The following ADAMDEC1 variants were observed in gnomAD, a reference collection of about 807,000 sequenced individuals.
ADAMDEC1 encodes ADAM DEC1.
ADAMDEC1 carries 62 observed loss-of-function variants against 60.4 expected under a neutral mutation model. The observed-to-expected ratio is 1.03, with a 90% confidence interval of 0.84 to 1.27. The LOEUF (loss-of-function observed/expected upper bound fraction) is 1.27, where lower values mean the gene tolerates loss of function less well. Among genes scored for constraint, ADAMDEC1 ranks in the 50% most tolerant of loss-of-function variants. The pLI is 0.00. For missense variants in ADAMDEC1, 595 were observed against 565.0 expected (o/e 1.05, Z -0.54); for synonymous variants, 210 against 195.1 (o/e 1.08, Z -0.64).
chr8:24,397,136 G>A, intron 5 of ADAMDEC1, 134 bp from the exon 6 acceptor site: 2 of 681,910 alleles, frequency 2.9e-6, no homozygotes, highest in Non-Finnish European at 4.6e-6. Flanking sequence ...ATTACCAGAA[G>A]TTAGCTGAAA....
intron 1 of ADAMDEC1, chr8:24,387,694 C>T (rs1392201474): frequency 2.0e-5 from 3 of 152,210 alleles, no homozygotes; most frequent in Non-Finnish European, 2.9e-5. Context: ...CATGACAAAA[C>T]CCTAGCTTGA....
chr8:24,385,875 G>A (rs1377457591), intron 1 of ADAMDEC1, among the ~76,000 whole-genome samples: 1 of 152,042 alleles, frequency 6.6e-6, no homozygotes, highest in Non-Finnish European at 1.5e-5. Context: ...TGCCTGTGCT[G>A]TCGGATGAGA....
intron 5 of ADAMDEC1, 141 bp downstream of exon 5, chr8:24,395,937 C>T: frequency 1.6e-6 from 1 of 639,678 alleles, no homozygotes; most frequent in African/African-American, 1.8e-5. Flanking sequence ...AAGTGAAGAA[C>T]AAAGTATTAC....
At chr8:24,405,101 G>C (rs1009618917) in intron 13 of ADAMDEC1, among the ~76,000 whole-genome samples, 191 bp from the exon 14 acceptor site, 3 of 152,170 alleles carry the variant, frequency 2.0e-5, no homozygotes, top group African/African-American at 7.2e-5. Flanking sequence ...TCAGAAACTA[G>C]CTGTGGGACT....
In ADAMDEC1 at chr8:24,384,487, T is replaced by C; in HGVS notation, c.-18T>C. 4.4e-6 allele frequency: 7 copies of C among 1,589,058 alleles called. No individual in the cohort carries two copies. Among genetic ancestry groups the C allele is most frequent in the South Asian group, 1.1e-5 (1 of 87,492 alleles). On this transcript the variant is annotated 5_prime_UTR_variant, in exon 1 of 14. Coordinates refer to ENST00000256412, the MANE Select transcript of ADAMDEC1 (RefSeq NM_014479.3). The stretch of plus-strand genomic sequence containing the variant: ...AATTGGAGAAGATAAAACTGGACAC[T>C]GGGGAGACCACAACTTCATGCTGCG...
chr8:24,404,257 G>T (rs1005874378), intron 13 of ADAMDEC1, among the ~76,000 whole-genome samples, 169 bp downstream of exon 13: 1 of 152,122 alleles, frequency 6.6e-6, no homozygotes, highest in Non-Finnish European at 1.5e-5. Flanking sequence ...GCATGACTAA[G>T]GATTGTAGAC....
At chr8:24,385,333 C>A (rs1025567210) in intron 1 of ADAMDEC1, among the ~76,000 whole-genome samples, 2 of 152,204 alleles carry the variant, frequency 1.3e-5, no homozygotes, top group East Asian at 3.9e-4. Flanking sequence ...TAAAAGTTGC[C>A]GTGCAAAAGC....
At chr8:24,403,726 T>C (rs1817821270) in intron 12 of ADAMDEC1, among the ~76,000 whole-genome samples, 1 of 152,164 alleles carries the variant, frequency 6.6e-6, no homozygotes, top group South Asian at 2.1e-4. Flanking sequence ...TTCAATTTTT[T>C]TTAGTTTGGA....
Position 24,394,112 on chromosome 8 carries a change from A to C in ADAMDEC1, c.328A>C (p.Arg110=). 6.2e-7 allele frequency: 1 copy of C among 1,613,536 alleles called. No individual in the cohort carries two copies. Among genetic ancestry groups the C allele is most frequent in the South Asian group, 1.1e-5 (1 of 91,064 alleles). The change falls in exon 4 of 14, where the codon AGA becomes CGA. Residue 110 remains arginine (R), a synonymous_variant. Transcript: ENST00000256412. ...PDYTETLYSP[R]GEEITTKPEN... is the part of the protein sequence containing the mutation. ...CTACACTGAAACATTGTACTCACCC[A>C]GAGGAGAGGAAATTACCACGAAACC...
intron 1 of ADAMDEC1, among the ~76,000 whole-genome samples, chr8:24,391,609 C>T (rs1290607932): frequency 6.6e-6 from 1 of 152,128 alleles, no homozygotes; most frequent in African/African-American, 2.4e-5. Context: ...CCTACTTCCT[C>T]TCTGAGGCTT....
chr8:24,398,090 C>T (rs899807985), intron 7 of ADAMDEC1, among the ~76,000 whole-genome samples: 1 of 150,226 alleles, frequency 6.7e-6, no homozygotes, highest in Non-Finnish European at 1.5e-5. Flanking sequence ...AATATAAAAT[C>T]AACACAAAAC....
intron 11 of ADAMDEC1, 57 bp downstream of exon 11, chr8:24,400,357 G>A: frequency 2.0e-6 from 3 of 1,505,600 alleles, no homozygotes; most frequent in Non-Finnish European, 2.7e-6. Context: ...TTTTTTTTCT[G>A]AAGACACATA....
intron 1 of ADAMDEC1, among the ~76,000 whole-genome samples, chr8:24,388,768 T>C (rs1315786982): frequency 6.6e-6 from 1 of 152,188 alleles, no homozygotes; most frequent in African/African-American, 2.4e-5. Context: ...TCCACTTAGA[T>C]GCTGTTTCAT....
intron 10 of ADAMDEC1, among the ~76,000 whole-genome samples, 168 bp from the exon 11 acceptor site, chr8:24,400,002 C>A (rs1817719909): frequency 6.6e-6 from 1 of 152,152 alleles, no homozygotes; most frequent in African/African-American, 2.4e-5. Flanking sequence ...TGTAAGTATT[C>A]ATAGGACCCA....
intron 13 of ADAMDEC1, among the ~76,000 whole-genome samples, chr8:24,404,738 C>A (rs1817847581): frequency 6.6e-6 from 1 of 152,112 alleles, no homozygotes; most frequent in Non-Finnish European, 1.5e-5. Flanking sequence ...CAATTCTTTT[C>A]TGGAATTGAA....
At chr8:24,399,913 A>G (rs78132989) in intron 10 of ADAMDEC1, among the ~76,000 whole-genome samples, 1,607 of 152,278 alleles carry the variant, frequency 0.011, 25 homozygotes, top group African/African-American at 0.037. Flanking sequence ...AGTACTTCCT[A>G]TGAAGAATGT....
In ADAMDEC1 at chr8:24,400,177, A is replaced by C. The variant is rs768299279; in HGVS notation, c.1019A>C (p.Lys340Thr). 7.6e-6 allele frequency: 12 copies of C among 1,577,636 alleles called. No homozygotes were observed. The highest frequency in any genetic ancestry group is 1.0e-5 in the Non-Finnish European group (12 of 1,167,232). The change falls in exon 11 of 14, where the codon AAA (lysine) becomes ACA (threonine). Residue 340 changes from lysine (K) to threonine (T), a missense_variant. Physicochemically the swap from Lys to Thr is moderately conservative, Grantham distance 78. Transcript: ENST00000256412. The stretch of plus-strand genomic sequence containing the variant: ...TATATCTACTTTTTCCAGGCTAAAA[A>C]AAAGAATAATGTGGCTCTTGTAGGA... Reference protein sequence around the residue: ...PSSVAVIEAKKKNNVALVGVM... With the variant: ...PSSVAVIEAKTKNNVALVGVM...
Position 24,392,397 on chromosome 8 carries a change from A to G in ADAMDEC1, c.207+17A>G, listed in dbSNP as rs773743929. 1.3e-6 allele frequency: 2 copies of G among 1,547,606 alleles called. No homozygotes were observed. The highest frequency in any genetic ancestry group is 1.8e-6 in the Non-Finnish European group (2 of 1,126,336). On this transcript the variant is annotated intron_variant, in intron 2 of 13. Transcript: ENST00000256412. ...GGCAAAGAGGTAAGCAAGGTGAATG[A>G]CCGTGGTAGATGTTACAATCATCCA... is the stretch of plus-strand genomic sequence containing the variant.
Position 24,384,500 on chromosome 8 carries a change from A to G in ADAMDEC1, c.-5A>G, listed in dbSNP as rs768947448. ...AAAACTGGACACTGGGGAGACCACA[A>G]CTTCATGCTGCGTGGGATCTCCCAG... On this transcript the variant is annotated 5_prime_UTR_variant, in exon 1 of 14. Transcript: ENST00000256412. 14 of 1,603,292 alleles carry G rather than the reference A, an allele frequency of 8.7e-6. 1 individual carries two copies. In the South Asian group the frequency reaches 1.2e-4, roughly 14 times the overall value.
Sources: gnomAD v4.1 joint callset for allele counts (sites outside exome capture counted in the v4.1 genomes callset) on GRCh38, gnomAD v4.1.1 for gene constraint, MANE v1.5 for transcripts, NCBI Gene and HGNC (gene_info 2026-07-23, HGNC 2026-07-21) for gene names.